PCDH15: variants seen among roughly 807,000 people sequenced by gnomAD.
The protein encoded by PCDH15 is protocadherin related 15, also known as protocadherin-15.
PCDH15 carries 129 observed loss-of-function variants against 178.5 expected under a neutral mutation model. That is an observed-to-expected ratio of 0.72 (90% confidence interval 0.63 to 0.84). PCDH15 has a LOEUF of 0.84. PCDH15 is among the 40% of genes least tolerant of loss of function. PCDH15 has a pLI of 0.00. For missense variants in PCDH15, 2,230 were observed against 2,099.9 expected (o/e 1.06, Z -1.21); for synonymous variants, 800 against 732.0 (o/e 1.09, Z -1.50).
intron 2 of PCDH15, among the ~76,000 whole-genome samples, chr10:55,069,774 G>C (rs867900730): frequency 1.4e-5 from 2 of 146,682 alleles, no homozygotes; most frequent in East Asian, 4.1e-4. Flanking sequence ...ATGATTTATA[G>C]TCCTTTGGGT....
intron 8 of PCDH15, among the ~76,000 whole-genome samples, chr10:54,240,920 C>A (rs1036972688): frequency 6.6e-6 from 1 of 151,946 alleles, no homozygotes; most frequent in African/African-American, 2.4e-5. Context: ...AGTGAGCCAC[C>A]GCGCCTGGCC....
At chr10:54,464,627 TAATA>T (rs1475399614) in intron 3 of PCDH15, among the ~76,000 whole-genome samples, 4 of 152,180 alleles carry the variant, frequency 2.6e-5, no homozygotes, top group Admixed American at 1.3e-4. Context: ...TCTCATCAAA[TAATA>T]AATAGTGAAG....
At chr10:55,003,305 C>T (rs1839838483) in intron 2 of PCDH15, among the ~76,000 whole-genome samples, 1 of 151,970 alleles carries the variant, frequency 6.6e-6, no homozygotes, top group Non-Finnish European at 1.5e-5. Flanking sequence ...TGAGATTATG[C>T]CATTAGAAAG....
intron 2 of PCDH15, among the ~76,000 whole-genome samples, chr10:55,476,595 G>A (rs778264704): frequency 1.1e-4 from 16 of 151,976 alleles, no homozygotes; most frequent in Admixed American, 3.9e-4. Context: ...TGACCACTGC[G>A]TACTTGGAAA....
chr10:55,619,865 TAAG>T (rs1285136384), intron 2 of PCDH15, among the ~76,000 whole-genome samples: 2 of 152,068 alleles, frequency 1.3e-5, no homozygotes, highest in Non-Finnish European at 2.9e-5. Context: ...CTCATTAAAG[TAAG>T]TCTGCACTGG....
intron 3 of PCDH15, among the ~76,000 whole-genome samples, chr10:54,823,527 T>A (rs2133743030): frequency 6.6e-6 from 1 of 152,286 alleles, no homozygotes; most frequent in East Asian, 1.9e-4. Flanking sequence ...TTTTTATATA[T>A]TTTTATGTTA....
intron 10 of PCDH15, among the ~76,000 whole-genome samples, chr10:54,200,670 T>C (rs1001708929): frequency 7.2e-5 from 11 of 152,298 alleles, no homozygotes; most frequent in African/African-American, 2.6e-4. Context: ...CTTATCTTAC[T>C]TGACCTATCT....
At chr10:54,294,981 G>A (rs756846761) in intron 8 of PCDH15, among the ~76,000 whole-genome samples, 68 of 152,302 alleles carry the variant, frequency 4.5e-4, no homozygotes, top group South Asian at 8.3e-4. Flanking sequence ...ATTGGTAATT[G>A]TTGAAACTGG....
intron 2 of PCDH15, among the ~76,000 whole-genome samples, chr10:55,624,564 G>T (rs561120781): frequency 6.6e-6 from 1 of 151,946 alleles, no homozygotes; most frequent in Non-Finnish European, 1.5e-5. Flanking sequence ...CACTGTTATT[G>T]GGCAAACTTT....
intron 2 of PCDH15, among the ~76,000 whole-genome samples, chr10:55,536,721 A>G (rs1158538116): frequency 6.6e-6 from 1 of 152,128 alleles, no homozygotes; most frequent in Non-Finnish European, 1.5e-5. Context: ...TTGAATGTCT[A>G]ACTTTGTAGC....
intron 3 of PCDH15, among the ~76,000 whole-genome samples, chr10:54,500,455 GA>G (rs1008297292): frequency 1.3e-5 from 2 of 151,884 alleles, no homozygotes; most frequent in Non-Finnish European, 2.9e-5. Flanking sequence ...GTTGAGAATA[GA>G]AAAAAACAAA....
At chr10:55,466,428 T>C (rs1839832363) in intron 2 of PCDH15, among the ~76,000 whole-genome samples, 1 of 152,146 alleles carries the variant, frequency 6.6e-6, no homozygotes, top group Non-Finnish European at 1.5e-5. Flanking sequence ...ATAATAATGG[T>C]TACATTTGTT....
At chr10:54,723,066 A>G (rs1941906839) in intron 1 of PCDH15, among the ~76,000 whole-genome samples, 1 of 151,756 alleles carries the variant, frequency 6.6e-6, no homozygotes, top group Non-Finnish European at 1.5e-5. Context: ...AGATGGAAGC[A>G]AAATAGATCC....
At chr10:55,464,065 A>T (rs1025669664) in intron 2 of PCDH15, among the ~76,000 whole-genome samples, 1 of 122,364 alleles carries the variant, frequency 8.2e-6, no homozygotes, top group Non-Finnish European at 1.8e-5. Context: ...AAGAAAGAAA[A>T]GGAAAGAAAG....
chr10:54,423,992 A>G (rs1266934908), intron 3 of PCDH15, among the ~76,000 whole-genome samples: 1 of 151,990 alleles, frequency 6.6e-6, no homozygotes, highest in Admixed American at 6.5e-5. Context: ...AGCAATGGCA[A>G]CAAAAGCCAA....
chr10:54,579,746 A>G (rs961310672), intron 2 of PCDH15, among the ~76,000 whole-genome samples: 11 of 152,010 alleles, frequency 7.2e-5, no homozygotes, highest in African/African-American at 2.7e-4. Context: ...AGCAAGTCTC[A>G]ATAAACACAA....
intron 21 of PCDH15, among the ~76,000 whole-genome samples, chr10:53,964,748 T>C (rs1437937761): frequency 6.6e-6 from 1 of 152,118 alleles, no homozygotes; most frequent in African/African-American, 2.4e-5. Context: ...TGAAGATTTA[T>C]AGAAACAAGG....
At chr10:54,195,645 T>A (rs1249144754) in intron 11 of PCDH15, 38 bp downstream of exon 11, 1 of 1,517,978 alleles carries the variant, frequency 6.6e-7, no homozygotes, top group Admixed American at 1.7e-5. Context: ...ATATGAGATT[T>A]GTTACACAAA....
chr10:55,059,693 A>T (rs977089586), intron 2 of PCDH15, among the ~76,000 whole-genome samples: 10 of 152,138 alleles, frequency 6.6e-5, no homozygotes, highest in Non-Finnish European at 1.5e-5. Flanking sequence ...ATTTTCTGAC[A>T]TTACTGACAT....
Sources: allele counts gnomAD v4.1 joint callset (sites outside exome capture counted in the v4.1 genomes callset), GRCh38; gene constraint gnomAD v4.1.1; transcripts MANE v1.5; gene names NCBI Gene and HGNC (gene_info 2026-07-23, HGNC 2026-07-21).